ANK2: variants seen among roughly 807,000 people sequenced by gnomAD.
The protein encoded by ANK2 is ankyrin 2, also known as ankyrin-2.
ANK2 carries 83 observed loss-of-function variants against 360.5 expected under a neutral mutation model. The ratio of observed to expected loss-of-function variants is 0.23; its 90% CI spans 0.19 to 0.28. The LOEUF (loss-of-function observed/expected upper bound fraction) is 0.28, where lower values mean the gene tolerates loss of function less well. Among genes scored for constraint, ANK2 ranks in the 10% least tolerant of loss-of-function variants. The pLI is 1.00. For synonymous variants in ANK2, 1,740 were observed against 1,759.5 expected, an observed-to-expected ratio of 0.99 and a Z score of 0.28; for missense variants, 4,201 against 4,795.7, an observed-to-expected ratio of 0.88 and a Z score of 3.66.
intron 45 of ANK2, among the ~76,000 whole-genome samples, chr4:113,375,109 C>T (rs886333691): frequency 1.3e-5 from 2 of 152,184 alleles, no homozygotes; most frequent in Admixed American, 6.5e-5. Context: ...TGCAGAGTAA[C>T]GTTTCCTTAA....
At chr4:112,779,505 CG>C in the ANK2 span, among the ~76,000 whole-genome samples, 1 of 151,112 alleles carries the variant, frequency 6.6e-6, no homozygotes, top group Non-Finnish European at 1.5e-5. Context: ...GGCGACAGAG[CG>C]GGACTCGGTC....
chr4:113,026,723 A>G (rs1327902729), intron 2 of ANK2, among the ~76,000 whole-genome samples: 1 of 152,206 alleles, frequency 6.6e-6, no homozygotes, highest in African/African-American at 2.4e-5. Flanking sequence ...GAATGGGATC[A>G]TGTCTGGGAG....
At chr4:113,263,232 A>G (rs2054062412) in intron 13 of ANK2, among the ~76,000 whole-genome samples, 1 of 150,838 alleles carries the variant, frequency 6.6e-6, no homozygotes, top group Non-Finnish European at 1.5e-5. Context: ...TCATCTATTT[A>G]GAGACAGGTT....
intron 6 of ANK2, among the ~76,000 whole-genome samples, 160 bp downstream of exon 6, chr4:113,237,332 T>C (rs902721054): frequency 1.3e-5 from 2 of 152,166 alleles, no homozygotes; most frequent in African/African-American, 4.8e-5. Context: ...AAGGGGACCA[T>C]CTAAAAAAAT....
At chr4:113,139,293 A>C (rs1361703961) in intron 1 of ANK2, among the ~76,000 whole-genome samples, 1 of 152,216 alleles carries the variant, frequency 6.6e-6, no homozygotes, top group South Asian at 2.1e-4. Flanking sequence ...TTATTTTAAA[A>C]TCACCTTAAC....
intron 43 of ANK2, chr4:113,372,627 T>C: frequency 6.5e-7 from 1 of 1,530,352 alleles, no homozygotes; most frequent in Non-Finnish European, 8.8e-7. Context: ...ATTATTCAGG[T>C]ACCCACTGTT....
the ANK2 span, among the ~76,000 whole-genome samples, chr4:112,808,710 G>T: frequency 1.3e-5 from 2 of 152,060 alleles, no homozygotes; most frequent in Admixed American, 6.6e-5. Flanking sequence ...AGAGAAGGTT[G>T]GTTGAGCACT....
intron 1 of ANK2, among the ~76,000 whole-genome samples, chr4:113,065,560 C>A (rs531655238): frequency 6.6e-6 from 1 of 152,296 alleles, no homozygotes; most frequent in East Asian, 1.9e-4. Context: ...TAGTTAGTGG[C>A]AGACACGGGC....
At chr4:112,713,789 C>G in the ANK2 span, among the ~76,000 whole-genome samples, 1 of 151,900 alleles carries the variant, frequency 6.6e-6, no homozygotes, top group African/African-American at 2.4e-5. Context: ...AAAAAATTAG[C>G]CGGGCGTGGT....
intron 10 of ANK2, among the ~76,000 whole-genome samples, chr4:113,254,720 T>C (rs2048360974): frequency 6.6e-6 from 1 of 152,244 alleles, no homozygotes; most frequent in Non-Finnish European, 1.5e-5. Flanking sequence ...TGTCCCTCAC[T>C]GTTGAAATCA....
At chr4:113,184,851 C>T (rs2098484761) in intron 2 of ANK2, among the ~76,000 whole-genome samples, 1 of 152,018 alleles carries the variant, frequency 6.6e-6, no homozygotes, top group South Asian at 2.1e-4. Flanking sequence ...AATGCTGTCC[C>T]TCCCCTAGCC....
intron 2 of ANK2, among the ~76,000 whole-genome samples, chr4:112,982,911 A>G (rs2043557924): frequency 6.6e-6 from 1 of 152,234 alleles, no homozygotes; most frequent in African/African-American, 2.4e-5. Flanking sequence ...TCTGTGCAGT[A>G]GAATTCATTC....
chr4:113,165,338 T>C (rs1006322468), intron 1 of ANK2, among the ~76,000 whole-genome samples: 2 of 152,222 alleles, frequency 1.3e-5, no homozygotes, highest in African/African-American at 4.8e-5. Context: ...TTATTAAATA[T>C]CCAATGTGGA....
chr4:112,864,419 T>C (rs112127337), intron 1 of ANK2, among the ~76,000 whole-genome samples: 11,426 of 152,034 alleles, frequency 0.075, 855 homozygotes, highest in African/African-American at 0.19. Flanking sequence ...AAGCGATTCT[T>C]CTGCCTCAGC....
At chr4:113,108,121 T>G (rs1172837265) in intron 1 of ANK2, among the ~76,000 whole-genome samples, 1 of 152,162 alleles carries the variant, frequency 6.6e-6, no homozygotes, top group African/African-American at 2.4e-5. Flanking sequence ...TTTCCAGAAT[T>G]TGGGGTTTAG....
intron 1 of ANK2, among the ~76,000 whole-genome samples, chr4:113,170,654 G>T (rs1020313073): frequency 2.0e-5 from 3 of 152,056 alleles, no homozygotes; most frequent in Non-Finnish European, 4.4e-5. Context: ...AGAGCCTTTG[G>T]GTCAGCACTC....
chr4:113,139,230 T>C (rs1289440460), intron 1 of ANK2, among the ~76,000 whole-genome samples: 1 of 152,236 alleles, frequency 6.6e-6, no homozygotes, highest in South Asian at 2.1e-4. Context: ...TTGTTGTTCC[T>C]GTGGGCACCA....
At chr4:112,970,022 C>T (rs555072066) in intron 2 of ANK2, among the ~76,000 whole-genome samples, 35 of 151,866 alleles carry the variant, frequency 2.3e-4, no homozygotes, top group African/African-American at 8.0e-4. Context: ...CTCACTCTGT[C>T]GTCCAGGCTG....
At chr4:113,079,951 T>G (rs576633487) in intron 1 of ANK2, among the ~76,000 whole-genome samples, 1 of 148,416 alleles carries the variant, frequency 6.7e-6, no homozygotes, top group Non-Finnish European at 1.5e-5. Flanking sequence ...CAGGCTGGAG[T>G]GTGGTGGTGC....
Sources: gnomAD v4.1 joint callset for allele counts (sites outside exome capture counted in the v4.1 genomes callset) on GRCh38, gnomAD v4.1.1 for gene constraint, MANE v1.5 for transcripts, NCBI Gene and HGNC (gene_info 2026-07-23, HGNC 2026-07-21) for gene names.